The following FTCDNL1 variants were observed in gnomAD, a reference collection of about 807,000 sequenced individuals.
FTCDNL1 encodes formiminotransferase N-terminal subdomain-containing protein.
Under a neutral mutation model 5.9 loss-of-function variants are expected in FTCDNL1, and 11 were observed. The ratio of observed to expected loss-of-function variants is 1.87; its 90% CI spans 1.18 to 3.10. FTCDNL1 has a LOEUF of 3.10. FTCDNL1 is among the 30% of genes most tolerant of loss of function. The pLI is 0.00. For missense variants in FTCDNL1, 115 were observed against 65.5 expected (o/e 1.76, Z -2.61); for synonymous variants, 58 against 24.8 (o/e 2.34, Z -3.99).
downstream of FTCDNL1, among the ~76,000 whole-genome samples, chr2:199,759,436 G>A (rs1268114246): frequency 6.6e-6 from 1 of 151,888 alleles, no homozygotes; most frequent in African/African-American, 2.4e-5. Context: ...GTTACCTTGG[G>A]AGTCCCAGCC....
chr2:199,801,937 C>CA (rs543444146), intron 3 of FTCDNL1, among the ~76,000 whole-genome samples: 14,811 of 111,862 alleles, frequency 0.13, 1,112 homozygotes, highest in East Asian at 0.28. Context: ...GACTCCATCT[C>CA]AAAAAAAAAA....
At chr2:199,802,751 T>C (rs1413249548) in intron 3 of FTCDNL1, among the ~76,000 whole-genome samples, 1 of 152,144 alleles carries the variant, frequency 6.6e-6, no homozygotes, top group African/African-American at 2.4e-5. Context: ...CGATGTGCAG[T>C]TCATCCTCCA....
chr2:199,717,740 T>C, the FTCDNL1 span, among the ~76,000 whole-genome samples: 1 of 151,860 alleles, frequency 6.6e-6, no homozygotes, highest in Non-Finnish European at 1.5e-5. Flanking sequence ...AGGCTTGACT[T>C]AGTGCTATTC....
At chr2:199,735,115 GAA>G in the FTCDNL1 span, among the ~76,000 whole-genome samples, 97 of 81,590 alleles carry the variant, frequency 1.2e-3, no homozygotes, top group Middle Eastern at 7.1e-3. Context: ...ACTACCTTTA[GAA>G]AAAAAAAAAA....
chr2:199,756,766 T>G (rs1387252801), downstream of FTCDNL1, among the ~76,000 whole-genome samples: 1 of 152,214 alleles, frequency 6.6e-6, no homozygotes, highest in Non-Finnish European at 1.5e-5. Flanking sequence ...TCAGTTTTAT[T>G]TTTACCCATG....
chr2:199,781,035 G>A (rs911433396), intron 3 of FTCDNL1, among the ~76,000 whole-genome samples: 3 of 152,188 alleles, frequency 2.0e-5, no homozygotes, highest in African/African-American at 7.2e-5. Flanking sequence ...CCAGCACCGA[G>A]TGACTGGTGT....
chr2:199,765,556 A>ATATATATATATATCTTTTTTTTTTT, intron 3 of FTCDNL1, among the ~76,000 whole-genome samples: 1 of 42,656 alleles, frequency 2.3e-5, no homozygotes, highest in Non-Finnish European at 4.8e-5. Flanking sequence ...ATATATATAT[A>ATATATATATATATCTTTTTTTTTTT]TTTTTTTTTT....
At chr2:199,693,255 G>A in the FTCDNL1 span, among the ~76,000 whole-genome samples, 1 of 152,202 alleles carries the variant, frequency 6.6e-6, no homozygotes, top group Non-Finnish European at 1.5e-5. Flanking sequence ...ATGACGTATA[G>A]AAGTAGGCTT....
chr2:199,685,339 G>A, the FTCDNL1 span, among the ~76,000 whole-genome samples: 1 of 152,104 alleles, frequency 6.6e-6, no homozygotes, highest in African/African-American at 2.4e-5. Context: ...GAGCCTTAGA[G>A]TGGGCCTTAG....
At chr2:199,713,351 G>A in the FTCDNL1 span, among the ~76,000 whole-genome samples, 1 of 152,068 alleles carries the variant, frequency 6.6e-6, no homozygotes, top group African/African-American at 2.4e-5. Flanking sequence ...AGGAACAAAG[G>A]ACAATGATCC....
At chr2:199,778,761 AT>A (rs911754475) in intron 3 of FTCDNL1, among the ~76,000 whole-genome samples, 20 of 152,170 alleles carry the variant, frequency 1.3e-4, no homozygotes, top group African/African-American at 3.9e-4. Context: ...TTCTCAGGAT[AT>A]TTTTTCCCTT....
chr2:199,844,520 A>G (rs1345372056), intron 3 of FTCDNL1: 1 of 604,978 alleles, frequency 1.7e-6, no homozygotes. Context: ...GCAGGCAGCC[A>G]GAACAGAACT....
the FTCDNL1 span, among the ~76,000 whole-genome samples, chr2:199,689,616 A>G: frequency 3.3e-5 from 5 of 152,042 alleles, no homozygotes; most frequent in Non-Finnish European, 5.9e-5. Flanking sequence ...TTGGGGGGTA[A>G]TTTGGCAATA....
the FTCDNL1 span, among the ~76,000 whole-genome samples, chr2:199,737,729 T>A: frequency 6.6e-6 from 1 of 152,174 alleles, no homozygotes. Context: ...ACACTTGGTT[T>A]AATGCTCTGC....
At chr2:199,667,026 T>A in the FTCDNL1 span, among the ~76,000 whole-genome samples, 17 of 151,586 alleles carry the variant, frequency 1.1e-4, no homozygotes, top group East Asian at 3.0e-3. Context: ...TGTAAATACA[T>A]TGGAAAGCAC....
the FTCDNL1 span, among the ~76,000 whole-genome samples, chr2:199,740,060 T>G: frequency 6.6e-6 from 1 of 152,300 alleles, no homozygotes; most frequent in African/African-American, 2.4e-5. Flanking sequence ...AAACAACCAC[T>G]GTTTAAAGGG....
chr2:199,672,275 T>G, the FTCDNL1 span, among the ~76,000 whole-genome samples: 1 of 152,160 alleles, frequency 6.6e-6, no homozygotes, highest in Non-Finnish European at 1.5e-5. Flanking sequence ...CAAACTGACA[T>G]GAGAGGGTCT....
chr2:199,677,380 G>A, the FTCDNL1 span, among the ~76,000 whole-genome samples: 2 of 152,092 alleles, frequency 1.3e-5, no homozygotes, highest in African/African-American at 2.4e-5. Context: ...CATTTTCTGA[G>A]ACCATAATAA....
chr2:199,791,442 T>C (rs1306801041), intron 3 of FTCDNL1, among the ~76,000 whole-genome samples: 1 of 152,158 alleles, frequency 6.6e-6, no homozygotes, highest in African/African-American at 2.4e-5. Context: ...AAACGTCAAC[T>C]ATTAGATTAT....
Sources: allele counts gnomAD v4.1 joint callset (sites outside exome capture counted in the v4.1 genomes callset), GRCh38; gene constraint gnomAD v4.1.1; transcripts MANE v1.5; gene names NCBI Gene and HGNC (gene_info 2026-07-23, HGNC 2026-07-21).